The following DACH2 variants were observed in gnomAD, a reference collection of about 807,000 sequenced individuals.
The protein encoded by DACH2 is dachshund family transcription factor 2.
Under a neutral mutation model 35.8 loss-of-function variants are expected in DACH2, and 17 were observed. The observed-to-expected ratio is 0.48, with a 90% confidence interval of 0.33 to 0.71. DACH2 has a LOEUF of 0.71. DACH2 is among the 30% of genes least tolerant of loss of function. The pLI, the probability that DACH2 is intolerant of heterozygous loss-of-function variation, is 0.02. For missense variants in DACH2, 469 were observed against 472.7 expected, an observed-to-expected ratio of 0.99 and a Z score of 0.07; for synonymous variants, 195 against 177.3, an observed-to-expected ratio of 1.10 and a Z score of -0.79.
chrX:86,542,474 G>A (rs943106647), intron 3 of DACH2, among the ~76,000 whole-genome samples: 1 of 111,513 alleles, frequency 9.0e-6, no homozygotes, highest in Non-Finnish European at 1.9e-5. Context: ...CTTTTCGCAT[G>A]AGTCTGTTAC....
intron 1 of DACH2, among the ~76,000 whole-genome samples, chrX:86,296,223 CA>C (rs769520782): frequency 2.9e-5 from 3 of 102,599 alleles, no homozygotes; most frequent in Admixed American, 1.1e-4. Context: ...ACTAAAAATA[CA>C]AAAAAAATTA....
Position 86,304,340 on chromosome X carries a change from C to T in DACH2, c.489-72484C>T, listed in dbSNP as rs2034634811. 3 of 111,876 alleles carry T rather than the reference C, an allele frequency of 2.7e-5. No homozygotes were observed. The South Asian group carries it at 1.1e-3, about 42-fold the overall frequency. 9.2% of individuals were successfully genotyped at this position (111,876 alleles called of 1,213,427 possible). A position where few individuals can be genotyped will look rare whatever the true frequency, so the allele number is the denominator to read the frequency against. ...GCTGTGTACTCATGAATTTTGGAGC[C>T]CATTTGGACTTTCATAATCAGTGAT... On this transcript the variant is annotated intron_variant, in intron 1 of 11. Transcript: ENST00000373125.
At chrX:86,270,987 A>G (rs963449777) in intron 1 of DACH2, among the ~76,000 whole-genome samples, 3 of 112,138 alleles carry the variant, frequency 2.7e-5, no homozygotes, top group Admixed American at 9.5e-5. Context: ...AATTAACTGT[A>G]TCTTCGTTGT....
At chrX:86,547,283 G>A (rs9887503) in intron 3 of DACH2, among the ~76,000 whole-genome samples, 21,081 of 110,677 alleles carry the variant, frequency 0.19, 1,553 homozygotes, top group East Asian at 0.28. Flanking sequence ...AATGAAACCC[G>A]GGGAGTTTCC....
At position 86,666,230 on chromosome X, in the gene DACH2, G is replaced by A. The variant is rs141711438; in HGVS notation, c.772+15063G>A. Among the ~76,000 whole-genome samples the A allele has an allele frequency of 5.4e-3, 595 of 109,881 alleles. 2 individuals are homozygous for A. Among genetic ancestry groups the A allele is most frequent in the Non-Finnish European group, 9.1e-3 (479 of 52,765 alleles). On this transcript the variant is annotated intron_variant, in intron 4 of 11. Coordinates refer to ENST00000373125, the MANE Select transcript of DACH2 (RefSeq NM_053281.3). ...TCTGTTTACTCCTCTTCTCTACTAC[G>A]TCTACCAGATATATTAAGTTAATAA... is the stretch of plus-strand genomic sequence containing the variant.
intron 7 of DACH2, among the ~76,000 whole-genome samples, chrX:86,807,366 C>T (rs1204219153): frequency 9.0e-6 from 1 of 111,157 alleles, no homozygotes; most frequent in Non-Finnish European, 1.9e-5. Context: ...TTTATAACAG[C>T]CCTAAGAGGT....
chrX:86,550,518 C>A (rs1033756305), intron 3 of DACH2, among the ~76,000 whole-genome samples: 8 of 110,569 alleles, frequency 7.2e-5, no homozygotes, highest in Non-Finnish European at 1.1e-4. Context: ...TATTAAATCA[C>A]AAGGCCACCA....
At chrX:86,421,272 C>T (rs1046706571) in intron 2 of DACH2, among the ~76,000 whole-genome samples, 1 of 111,749 alleles carries the variant, frequency 8.9e-6, no homozygotes, top group African/African-American at 3.2e-5. Context: ...AGTTAACAAC[C>T]ATATAGTGCT....
intron 7 of DACH2, chrX:86,799,235 C>G (rs1482337850): frequency 4.9e-6 from 1 of 203,884 alleles, no homozygotes; most frequent in Non-Finnish European, 9.5e-6. Context: ...ATCTTCCCAG[C>G]CTGTCTTGTG....
chrX:86,739,657 G>A, intron 6 of DACH2, 90 bp from the exon 7 acceptor site: 1 of 1,053,159 alleles, frequency 9.5e-7, no homozygotes, highest in Non-Finnish European at 1.3e-6. Context: ...CACAATAAGT[G>A]AGAGGTCAAC....
At chrX:86,706,286 G>A (rs1196555481) in intron 5 of DACH2, among the ~76,000 whole-genome samples, 1 of 111,275 alleles carries the variant, frequency 9.0e-6, no homozygotes, top group African/African-American at 3.3e-5. Flanking sequence ...TAAAAAGAAT[G>A]TATTGGATGA....
At chrX:86,556,060 G>A (rs905278069) in intron 3 of DACH2, among the ~76,000 whole-genome samples, 3 of 111,775 alleles carry the variant, frequency 2.7e-5, no homozygotes, top group Admixed American at 9.6e-5. Context: ...GTGATGATGA[G>A]TAAAAGAGAG....
chrX:86,251,631 T>C (rs1027611255), intron 1 of DACH2, among the ~76,000 whole-genome samples: 5 of 111,872 alleles, frequency 4.5e-5, no homozygotes, highest in African/African-American at 1.6e-4. Context: ...AGAATAATAG[T>C]CTCCAGTTCC....
chrX:86,451,996 G>A (rs2037386257), intron 2 of DACH2, among the ~76,000 whole-genome samples: 2 of 111,617 alleles, frequency 1.8e-5, no homozygotes, highest in Admixed American at 9.6e-5. Flanking sequence ...TTTGAGGTAT[G>A]TTCCTTCATT....
In DACH2 at chrX:86,442,975, T is replaced by C. The variant is rs539890453; in HGVS notation, c.527+66113T>C. Among the ~76,000 whole-genome samples the C allele has an allele frequency of 6.2e-5, 7 of 112,179 alleles. No homozygotes were observed. In the South Asian group the frequency reaches 2.6e-3, roughly 41 times the overall value. Reference sequence around the variant, plus strand: ...CAGTACCATGCTGTTTTGGTTACTATAACTTTGTAATATATTTGGAAGTCA... The same window carrying C: ...CAGTACCATGCTGTTTTGGTTACTACAACTTTGTAATATATTTGGAAGTCA... On this transcript the variant is annotated intron_variant, in intron 2 of 11. Coordinates refer to ENST00000373125, the MANE Select transcript of DACH2 (RefSeq NM_053281.3).
Position 86,294,042 on chromosome X carries a change from C to T in DACH2, c.489-82782C>T, listed in dbSNP as rs1435416957. ...GTTTTCCAACTTGGTTCCATTCTCCCCGTCACTTTCAGGTACACCAATCAG... is the reference window on the plus strand; with the variant it reads ...GTTTTCCAACTTGGTTCCATTCTCCTCGTCACTTTCAGGTACACCAATCAG... On this transcript the variant is annotated intron_variant, in intron 1 of 11. Coordinates refer to ENST00000373125, the MANE Select transcript of DACH2 (RefSeq NM_053281.3). Among the ~76,000 whole-genome samples, 3 of 111,766 alleles carry T rather than the reference C, an allele frequency of 2.7e-5. No homozygotes were observed. In the Admixed American group the frequency reaches 2.8e-4, roughly 11 times the overall value.
chrX:86,386,983 T>C (rs1033401354), intron 2 of DACH2, among the ~76,000 whole-genome samples: 22 of 111,653 alleles, frequency 2.0e-4, no homozygotes, highest in Non-Finnish European at 3.4e-4. Flanking sequence ...TCTCTCACCA[T>C]ATGAATTTGC....
At chrX:86,830,503 G>A (rs1272156899) in intron 11 of DACH2, 2 of 111,320 alleles carry the variant, frequency 1.8e-5, no homozygotes, top group African/African-American at 6.5e-5. Flanking sequence ...ATTCCTAATA[G>A]GCCTTGTAAG....
intron 2 of DACH2, among the ~76,000 whole-genome samples, chrX:86,452,751 A>T (rs778259713): frequency 9.1e-6 from 1 of 109,901 alleles, no homozygotes; most frequent in East Asian, 2.9e-4. Context: ...TATTTTATTA[A>T]TTTTTTAAAA....
Sources: allele counts gnomAD v4.1 joint callset (sites outside exome capture counted in the v4.1 genomes callset), GRCh38; gene constraint gnomAD v4.1.1; transcripts MANE v1.5; gene names NCBI Gene and HGNC (gene_info 2026-07-23, HGNC 2026-07-21).